Variants in VPS36 observed in about 807,000 individuals in gnomAD.
VPS36 encodes vacuolar protein sorting 36 homolog, also known as vacuolar protein-sorting-associated protein 36.
VPS36 carries 31 observed loss-of-function variants against 63.5 expected under a neutral mutation model. The ratio of observed to expected loss-of-function variants is 0.49; its 90% confidence interval spans 0.37 to 0.66. The LOEUF (loss-of-function observed/expected upper bound fraction) is 0.66, where lower values mean the gene tolerates loss of function less well. Ranked by LOEUF, VPS36 falls within the 30% of genes least tolerant of loss-of-function variation. The pLI is 0.00. For synonymous variants in VPS36, 138 were observed against 157.2 expected, an observed-to-expected ratio of 0.88 and a Z score of 0.91; for missense variants, 338 against 463.7, an observed-to-expected ratio of 0.73 and a Z score of 2.49.
chr13:52,417,903 T>G, intron 11 of VPS36, 89 bp downstream of exon 11: 1 of 1,073,822 alleles, frequency 9.3e-7, no homozygotes, highest in Non-Finnish European at 1.4e-6. Flanking sequence ...GGCTTGACAC[T>G]AGGGATGGCA....
intron 4 of VPS36, 70 bp downstream of exon 4, chr13:52,436,220 C>G: frequency 4.6e-6 from 2 of 436,032 alleles, no homozygotes; most frequent in Non-Finnish European, 7.3e-6. Context: ...CAAGCCACAA[C>G]ACACACACAC....
chr13:52,428,447 C>T (rs539346514), intron 6 of VPS36, among the ~76,000 whole-genome samples: 6 of 152,116 alleles, frequency 3.9e-5, no homozygotes, highest in Admixed American at 6.5e-5. Context: ...TAGTGTGTTG[C>T]GTATTCTTAT....
At chr13:52,423,759 A>G in intron 9 of VPS36, 120 bp from the exon 10 acceptor site, 1 of 843,578 alleles carries the variant, frequency 1.2e-6, no homozygotes, top group East Asian at 2.7e-5. Flanking sequence ...AGAAGCTTAT[A>G]AAAAACTTTA....
intron 9 of VPS36, among the ~76,000 whole-genome samples, chr13:52,425,588 T>C (rs1207165439): frequency 6.6e-6 from 1 of 152,144 alleles, no homozygotes; most frequent in African/African-American, 2.4e-5. Flanking sequence ...AGAAGATGAA[T>C]CTATATTATG....
intron 5 of VPS36, 41 bp downstream of exon 5, chr13:52,434,752 A>C (rs746231776): frequency 6.5e-7 from 1 of 1,544,544 alleles, no homozygotes. Context: ...ATGTAAGTAC[A>C]GAGTTGAAAA....
chr13:52,442,138 T>C (rs1052946927), intron 2 of VPS36, among the ~76,000 whole-genome samples: 1 of 152,200 alleles, frequency 6.6e-6, no homozygotes, highest in Non-Finnish European at 1.5e-5. Context: ...GTAAAATTTA[T>C]TATTGCATTC....
intron 6 of VPS36, among the ~76,000 whole-genome samples, chr13:52,429,030 A>G (rs148749890): frequency 6.6e-6 from 1 of 152,218 alleles, no homozygotes; most frequent in African/African-American, 2.4e-5. Context: ...CTATCAAAAA[A>G]TGAGTAAAGA....
chr13:52,431,460 T>C (rs1312953463), intron 6 of VPS36, among the ~76,000 whole-genome samples: 2 of 152,096 alleles, frequency 1.3e-5, no homozygotes, highest in Non-Finnish European at 2.9e-5. Context: ...AAATATCATT[T>C]CCCACTAAAA....
intron 1 of VPS36, among the ~76,000 whole-genome samples, chr13:52,444,545 CATATAT>C (rs931289821): frequency 3.4e-5 from 5 of 146,818 alleles, no homozygotes; most frequent in African/African-American, 1.2e-4. Context: ...AATACATATA[CATATAT>C]ATGTATATAT....
At chr13:52,449,622 C>T (rs1958378874) in intron 1 of VPS36, among the ~76,000 whole-genome samples, 2 of 152,134 alleles carry the variant, frequency 1.3e-5, no homozygotes, top group South Asian at 4.1e-4. Flanking sequence ...ATTAAAACTT[C>T]TGGAAACCAA....
intron 6 of VPS36, chr13:52,429,152 CA>C (rs1426405293): frequency 1.7e-6 from 1 of 577,182 alleles, no homozygotes; most frequent in African/African-American, 2.0e-5. Context: ...GTCAAATTTC[CA>C]CTCCAATTTT....
intron 6 of VPS36, among the ~76,000 whole-genome samples, chr13:52,432,573 C>T (rs770434413): frequency 1.3e-5 from 2 of 152,204 alleles, no homozygotes; most frequent in Non-Finnish European, 2.9e-5. Flanking sequence ...CTATTTACCA[C>T]CACCAATGAA....
At chr13:52,429,440 G>A in intron 6 of VPS36, 1 of 244,730 alleles carries the variant, frequency 4.1e-6, no homozygotes, top group African/African-American at 2.3e-5. Context: ...GACCTCAACA[G>A]AAGTTAGGGA....
At chr13:52,437,853 C>A (rs1442141347) in intron 3 of VPS36, among the ~76,000 whole-genome samples, 1 of 151,912 alleles carries the variant, frequency 6.6e-6, no homozygotes, top group African/African-American at 2.4e-5. Flanking sequence ...TGGCGTGAAC[C>A]TGGGAGGCGG....
intron 10 of VPS36, among the ~76,000 whole-genome samples, chr13:52,418,532 A>C (rs1958015198): frequency 6.9e-6 from 1 of 144,170 alleles, no homozygotes. Flanking sequence ...CCGAGATCGC[A>C]CCATGCATTC....
intron 12 of VPS36, 48 bp downstream of exon 12, chr13:52,417,009 G>T (rs889610869): frequency 2.0e-6 from 3 of 1,511,630 alleles, no homozygotes; most frequent in African/African-American, 2.8e-5. Context: ...TAAGCCTTCG[G>T]GTCTTCATAG....
intron 6 of VPS36, among the ~76,000 whole-genome samples, chr13:52,430,293 C>G (rs139229835): frequency 6.6e-6 from 1 of 152,072 alleles, no homozygotes; most frequent in African/African-American, 2.4e-5. Flanking sequence ...GAAACTGCAA[C>G]ATACAGCTAA....
chr13:52,431,878 T>C (rs1958162328), intron 6 of VPS36, among the ~76,000 whole-genome samples: 2 of 151,666 alleles, frequency 1.3e-5, no homozygotes, highest in Admixed American at 6.6e-5. Context: ...CAACACCAGA[T>C]AGTGAAGAAG....
At position 52,418,770 on chromosome 13, in the gene VPS36, T is replaced by A. The variant is rs149416272; in HGVS notation, c.841-714A>T. 5.8e-3 allele frequency among the ~76,000 whole-genome samples: 878 copies of A among 152,312 alleles called. 11 individuals carry two copies. The highest frequency in any genetic ancestry group is 0.02 in the African/African-American group (838 of 41,556). On this transcript the variant is annotated intron_variant, in intron 10 of 13. Coordinates refer to ENST00000378060, the MANE Select transcript of VPS36 (RefSeq NM_016075.4). Reference sequence around the variant, plus strand: ...GGTGCATTTTTATACTTGCAGCATATCTTGATTTGGATTAACTACATTTCA... The same window carrying A: ...GGTGCATTTTTATACTTGCAGCATAACTTGATTTGGATTAACTACATTTCA...
Sources: allele counts gnomAD v4.1 joint callset (sites outside exome capture counted in the v4.1 genomes callset), GRCh38; gene constraint gnomAD v4.1.1; transcripts MANE v1.5; gene names NCBI Gene and HGNC (gene_info 2026-07-23, HGNC 2026-07-21).